Variants in PIEZO2 observed in about 807,000 individuals in gnomAD.
PIEZO2 encodes piezo type mechanosensitive ion channel component 2, also known as piezo-type mechanosensitive ion channel component 2.
A neutral mutation model predicts 337.3 loss-of-function variants in PIEZO2; 172 were observed. The observed-to-expected ratio is 0.51, with a 90% CI of 0.45 to 0.58. The LOEUF (loss-of-function observed/expected upper bound fraction) is 0.58. Ranked by LOEUF, PIEZO2 falls within the 20% of genes least tolerant of loss-of-function variation. The pLI is 0.00. For missense variants in PIEZO2, 3,028 were observed against 3,391.3 expected (o/e 0.89, Z 2.66); for synonymous variants, 1,251 against 1,228.5 (o/e 1.02, Z -0.38).
At position 10,855,292 on chromosome 18, in the gene PIEZO2, C is replaced by G; in HGVS notation, c.917+61G>C. ...CCCCTGTAAATTCACAATGCCAAAC[C>G]AAGGTCCCAAAGGCGTGGGGGGACA... On this transcript the variant is annotated intron_variant, in intron 7 of 55. Coordinates refer to ENST00000674853, the MANE Select transcript of PIEZO2 (RefSeq NM_001378183.1). This position sits in a 1 kb window ranked among gnomAD's most constrained non-coding sequence, Gnocchi z 4.9. The G allele has an allele frequency of 7.1e-7, 1 of 1,403,448 alleles. No homozygotes were observed. Among genetic ancestry groups the G allele is most frequent in the Non-Finnish European group, 9.7e-7 (1 of 1,029,596 alleles). The allele number at this position is 1,403,448 out of a possible 1,614,324, so 86.9% of individuals were successfully genotyped here. A position where few individuals can be genotyped will look rare whatever the true frequency, so the allele number is the denominator to read the frequency against.
chr18:10,686,737 T>C (rs547155945), intron 49 of PIEZO2, among the ~76,000 whole-genome samples: 20 of 152,274 alleles, frequency 1.3e-4, no homozygotes, highest in African/African-American at 4.6e-4. Context: ...GGCAGGTCCA[T>C]GGAAACAGAG....
chr18:11,144,808 T>G (rs1229779950), intron 1 of PIEZO2, among the ~76,000 whole-genome samples: 1 of 152,318 alleles, frequency 6.6e-6, no homozygotes, highest in Middle Eastern at 3.4e-3. Context: ...TAATCCCCTG[T>G]TCCCCCAAGC....
intron 13 of PIEZO2, among the ~76,000 whole-genome samples, chr18:10,793,332 C>T (rs2039473704): frequency 6.6e-6 from 1 of 152,106 alleles, no homozygotes; most frequent in Non-Finnish European, 1.5e-5. Context: ...TTACTATCTT[C>T]TATGACAAAA....
chr18:10,889,973 C>A (rs2042709872), intron 4 of PIEZO2, among the ~76,000 whole-genome samples: 1 of 152,214 alleles, frequency 6.6e-6, no homozygotes, highest in Non-Finnish European at 1.5e-5. Flanking sequence ...CCTCTTGGAC[C>A]TTGGCTCCCC....
intron 17 of PIEZO2, among the ~76,000 whole-genome samples, chr18:10,782,666 T>C (rs1450148290): frequency 6.6e-6 from 1 of 151,026 alleles, no homozygotes; most frequent in African/African-American, 2.4e-5. Flanking sequence ...TGCTTAGGGC[T>C]AAGCCACAGC....
chr18:10,908,256 CA>C (rs1461492880), intron 4 of PIEZO2: 3 of 152,234 alleles, frequency 2.0e-5, no homozygotes, highest in Admixed American at 6.5e-5. Flanking sequence ...AGTTACACAA[CA>C]GAAAGCGTCT....
At chr18:10,882,612 C>G (rs1482865685) in intron 4 of PIEZO2, among the ~76,000 whole-genome samples, 9 of 151,676 alleles carry the variant, frequency 5.9e-5, no homozygotes, top group Admixed American at 5.9e-4. Flanking sequence ...CCCATCATCT[C>G]CTCCTTCTCC....
intron 2 of PIEZO2, among the ~76,000 whole-genome samples, chr18:11,013,853 G>A (rs368370909): frequency 2.6e-5 from 4 of 152,318 alleles, no homozygotes; most frequent in Admixed American, 1.3e-4. Context: ...CCCGAAGATT[G>A]TGCTGTTCTA....
At chr18:11,037,555 T>C (rs1425917051) in intron 2 of PIEZO2, among the ~76,000 whole-genome samples, 2 of 152,198 alleles carry the variant, frequency 1.3e-5, no homozygotes, top group Non-Finnish European at 2.9e-5. Flanking sequence ...AATATGGACT[T>C]TATGTCCTAT....
intron 2 of PIEZO2, among the ~76,000 whole-genome samples, chr18:11,039,748 G>GCACA (rs72175382): frequency 0.032 from 4,473 of 140,496 alleles, 89 homozygotes; most frequent in Non-Finnish European, 0.039. Context: ...TTTTAAATAG[G>GCACA]CACACACACA....
At chr18:11,117,603 A>G (rs914659334) in intron 1 of PIEZO2, among the ~76,000 whole-genome samples, 4 of 152,258 alleles carry the variant, frequency 2.6e-5, no homozygotes, top group African/African-American at 9.6e-5. Flanking sequence ...CACCTACATC[A>G]GTAAATCCTA....
In PIEZO2 at chr18:11,063,112, T is replaced by C. The variant is rs573424900; in HGVS notation, c.160+3015A>G. Among the ~76,000 whole-genome samples the C allele has an allele frequency of 5.1e-3, 770 of 152,042 alleles. 6 individuals carry two copies. Among genetic ancestry groups the C allele is most frequent in the African/African-American group, 0.018 (746 of 41,450 alleles). The stretch of plus-strand genomic sequence containing the variant: ...ATATGCAGCATATTATAAAAAAGGA[T>C]GAGTTCATGTCCTTTGTAGGGACAT... On this transcript the variant is annotated intron_variant, in intron 2 of 55. Transcript: ENST00000674853.
rs1450230059 is a variant in PIEZO2, at chr18:11,096,265, T to G, written c.65-30043A>C. On this transcript the variant is annotated intron_variant, in intron 1 of 55. Coordinates refer to ENST00000674853, the MANE Select transcript of PIEZO2 (RefSeq NM_001378183.1). The surrounding 1 kb of genome is among the most constrained non-coding windows in gnomAD (Gnocchi z 4.6). ...TGCCAGACCAAGCCTGTCCACCCAA[T>G]GGAACCTGCTGGCCCAAGCATTAGG... Among the ~76,000 whole-genome samples, 1 of 152,226 alleles carries G rather than the reference T, an allele frequency of 6.6e-6. No individual in the cohort carries two copies. The highest frequency in any genetic ancestry group is 1.5e-5 in the Non-Finnish European group (1 of 68,040).
chr18:11,147,187 C>G (rs2146308265), intron 1 of PIEZO2, among the ~76,000 whole-genome samples: 1 of 152,282 alleles, frequency 6.6e-6, no homozygotes, highest in South Asian at 2.1e-4. Flanking sequence ...AAGCTTAGCT[C>G]TTCATCTATG....
At chr18:11,147,390 G>A (rs1249515038) in intron 1 of PIEZO2, among the ~76,000 whole-genome samples, 1 of 152,178 alleles carries the variant, frequency 6.6e-6, no homozygotes, top group Non-Finnish European at 1.5e-5. Flanking sequence ...CACTCACGAA[G>A]TGTGTTACAA....
At chr18:10,960,551 A>T (rs1241360886) in intron 3 of PIEZO2, among the ~76,000 whole-genome samples, 1 of 121,744 alleles carries the variant, frequency 8.2e-6, no homozygotes, top group Non-Finnish European at 1.8e-5. Flanking sequence ...CTGTAGCCAC[A>T]AAGACTTTTT....
At chr18:10,814,181 G>A (rs1362572191) in intron 7 of PIEZO2, among the ~76,000 whole-genome samples, 1 of 152,094 alleles carries the variant, frequency 6.6e-6, no homozygotes, top group Admixed American at 6.5e-5. Flanking sequence ...GTGTTAGCCA[G>A]GATGGTCTTG....
Position 10,872,707 on chromosome 18 carries a change from T to C in PIEZO2, c.330-1292A>G, listed in dbSNP as rs2144796089. Among the ~76,000 whole-genome samples the C allele has an allele frequency of 6.6e-6, 1 of 152,328 alleles. No individual in the cohort carries two copies. Among genetic ancestry groups the C allele is most frequent in the African/African-American group, 2.4e-5 (1 of 41,572 alleles). On this transcript the variant is annotated intron_variant, in intron 4 of 55. Coordinates refer to ENST00000674853, the MANE Select transcript of PIEZO2 (RefSeq NM_001378183.1). The surrounding 1 kb of genome is among the most constrained non-coding windows in gnomAD (Gnocchi z 4.3). ...GTAACCACAGTACCTATTACTATTATTAAAGCCACATGAAGAGCGATTCCC... is the reference window on the plus strand; with the variant it reads ...GTAACCACAGTACCTATTACTATTACTAAAGCCACATGAAGAGCGATTCCC...
chr18:11,146,039 C>T lies in PIEZO2; in HGVS notation c.64+2486G>A, dbSNP rs1456293729. Among the ~76,000 whole-genome samples, 1 of 152,144 alleles carries T rather than the reference C, an allele frequency of 6.6e-6. No homozygotes were observed. The highest frequency in any genetic ancestry group is 2.4e-5 in the African/African-American group (1 of 41,430). ...CTCACACATACTCATAACACATGTG[C>T]ACACTCACACTTATGCACTCAAACT... On this transcript the variant is annotated intron_variant, in intron 1 of 55. Coordinates refer to ENST00000674853, the MANE Select transcript of PIEZO2 (RefSeq NM_001378183.1). The surrounding 1 kb of genome is among the most constrained non-coding windows in gnomAD (Gnocchi z 6.1).
Sources: gnomAD v4.1 joint callset for allele counts (sites outside exome capture counted in the v4.1 genomes callset) on GRCh38, gnomAD v4.1.1 for gene constraint, Gnocchi (gnomAD v3.1) non-coding constraint, MANE v1.5 for transcripts, NCBI Gene and HGNC (gene_info 2026-07-23, HGNC 2026-07-21) for gene names.